Variants in AGTPBP1 observed in about 807,000 individuals in gnomAD.
AGTPBP1 encodes cytosolic carboxypeptidase 1.
AGTPBP1 carries 70 observed loss-of-function variants against 143.9 expected under a neutral mutation model. The ratio of observed to expected loss-of-function variants is 0.49; its 90% CI spans 0.40 to 0.59. AGTPBP1 has a LOEUF of 0.59. Among genes scored for constraint, AGTPBP1 ranks in the 20% least tolerant of loss-of-function variants. AGTPBP1 has a pLI of 0.00. For missense variants in AGTPBP1, 1,229 were observed against 1,464.5 expected (o/e 0.84, Z 2.62); for synonymous variants, 463 against 500.2 (o/e 0.93, Z 0.99).
At chr9:85,678,658 C>A (rs1834983378) in intron 4 of AGTPBP1, among the ~76,000 whole-genome samples, 1 of 152,134 alleles carries the variant, frequency 6.6e-6, no homozygotes, top group Non-Finnish European at 1.5e-5. Flanking sequence ...CATCTTTCTA[C>A]CAAATAGATA....
chr9:85,563,128 G>A (rs1219720057), intron 25 of AGTPBP1, among the ~76,000 whole-genome samples: 1 of 152,202 alleles, frequency 6.6e-6, no homozygotes, highest in African/African-American at 2.4e-5. Context: ...GGTATCCAGT[G>A]TACGGTATTT....
intron 23 of AGTPBP1, among the ~76,000 whole-genome samples, chr9:85,579,842 A>C (rs923914818): frequency 3.3e-5 from 5 of 150,668 alleles, no homozygotes; most frequent in South Asian, 2.1e-4. Context: ...AAACAATCTA[A>C]AGTCACTCTT....
intron 19 of AGTPBP1, among the ~76,000 whole-genome samples, chr9:85,590,882 G>C (rs1337098483): frequency 6.6e-6 from 1 of 152,072 alleles, no homozygotes; most frequent in Non-Finnish European, 1.5e-5. Context: ...CAGAATGAAG[G>C]GCCTGGTAGA....
chr9:85,577,353 G>A lies in AGTPBP1; in HGVS notation c.3342+1567C>T, dbSNP rs144920935. Among the ~76,000 whole-genome samples, 948 of 152,174 alleles carry A rather than the reference G, an allele frequency of 6.2e-3. 8 individuals are homozygous for A. The highest frequency in any genetic ancestry group is 0.021 in the African/African-American group (884 of 41,496). On this transcript the variant is annotated intron_variant, in intron 24 of 25. Transcript: ENST00000357081. ...ATTTCCATAAATCACATAGTCCAAG[G>A]TTTTTTCCTAGAAATCACCTATATT...
chr9:85,617,468 G>C (rs1003454034), intron 17 of AGTPBP1, among the ~76,000 whole-genome samples: 122 of 152,106 alleles, frequency 8.0e-4, no homozygotes, highest in African/African-American at 2.7e-3. Flanking sequence ...TTGATATTAA[G>C]TTCATACAAG....
intron 18 of AGTPBP1, among the ~76,000 whole-genome samples, chr9:85,593,836 C>T (rs896267500): frequency 6.6e-6 from 1 of 152,070 alleles, no homozygotes; most frequent in Non-Finnish European, 1.5e-5. Flanking sequence ...CTTCCAGACT[C>T]GAAATACTGC....
chr9:85,681,355 T>A lies in AGTPBP1; in HGVS notation c.158-20A>T, dbSNP rs778613493. 5.6e-6 allele frequency: 9 copies of A among 1,605,446 alleles called. No homozygotes were observed. Among genetic ancestry groups the A allele is most frequent in the Non-Finnish European group, 4.2e-6 (5 of 1,176,592 alleles). On this transcript the variant is annotated intron_variant, in intron 3 of 25. Coordinates refer to ENST00000357081, the MANE Select transcript of AGTPBP1 (RefSeq NM_001330701.2). ...TTTTTTCTGAAAAGTAGCAAACAAT[T>A]TTTTTCTCAAACATAAATTTTTAAA...
Position 85,586,954 on chromosome 9 carries a change from G to A in AGTPBP1, c.2910C>T (p.Arg970=), listed in dbSNP as rs2133179043. The A allele has an allele frequency of 6.2e-7, 1 of 1,613,698 alleles. No homozygotes were observed. Among genetic ancestry groups the A allele is most frequent in the South Asian group, 1.1e-5 (1 of 91,068 alleles). ...TCAAATCCTCTCCACTTAAAGAACA[G>A]CGATGACTACATGTACATAAACACA... The part of the protein sequence containing the change: ...NPDGVINGNH[R]CSLSGEDLNR... The change falls in exon 22 of 26, where the codon CGC becomes CGT. Residue 970 remains arginine (R), a synonymous_variant. Transcript: ENST00000357081.
intron 2 of AGTPBP1, among the ~76,000 whole-genome samples, chr9:85,700,349 A>C (rs892804848): frequency 1.3e-5 from 2 of 152,174 alleles, no homozygotes; most frequent in African/African-American, 4.8e-5. Flanking sequence ...CTAGGCTGCC[A>C]GAGATATTTT....
chr9:85,708,768 T>C lies in AGTPBP1; in HGVS notation c.32+3734A>G, dbSNP rs188645726. ...CCAGGCTGGTCTTGAACTCCTGACC[T>C]CAGGTGATCTGCCAGCCTCGGCCTC... is the stretch of plus-strand genomic sequence containing the variant. On this transcript the variant is annotated intron_variant, in intron 2 of 25. Transcript: ENST00000357081. 8.1e-4 allele frequency among the ~76,000 whole-genome samples: 123 copies of C among 152,322 alleles called. 2 individuals are homozygous for C. In the East Asian group the frequency reaches 0.016, roughly 20 times the overall value.
intron 2 of AGTPBP1, among the ~76,000 whole-genome samples, chr9:85,703,160 G>A (rs2134387508): frequency 1.3e-5 from 2 of 152,248 alleles, no homozygotes; most frequent in South Asian, 4.1e-4. Context: ...TGCAGCTAAT[G>A]TTTCCTAATC....
Position 85,642,812 on chromosome 9 carries a change from T to C in AGTPBP1, c.1302+15A>G, listed in dbSNP as rs1564096652. The C allele has an allele frequency of 6.4e-7, 1 of 1,571,404 alleles. No homozygotes were observed. Among genetic ancestry groups the C allele is most frequent in the Non-Finnish European group, 8.7e-7 (1 of 1,154,278 alleles). On this transcript the variant is annotated intron_variant, in intron 13 of 25. Transcript: ENST00000357081. ...ATTAAAATCAGTTAAGATGCTGAAT[T>C]TTCTATATTTATACCTGAAAATCAT...
chr9:85,672,346 G>C (rs1480951578), intron 7 of AGTPBP1, among the ~76,000 whole-genome samples: 2 of 151,952 alleles, frequency 1.3e-5, no homozygotes, highest in Non-Finnish European at 2.9e-5. Flanking sequence ...TGGGATTACA[G>C]GCATGAGCCA....
chr9:85,775,990 T>G, the AGTPBP1 span, among the ~76,000 whole-genome samples: 147 of 152,270 alleles, frequency 9.7e-4, no homozygotes, highest in African/African-American at 3.5e-3. Context: ...CCGTCACAAG[T>G]CCATCCCTTG....
the AGTPBP1 span, among the ~76,000 whole-genome samples, chr9:85,769,065 A>AG: frequency 6.6e-6 from 1 of 152,022 alleles, no homozygotes; most frequent in African/African-American, 2.4e-5. Flanking sequence ...AAAAAAAAAA[A>AG]AAAGAAATAT....
At chr9:85,673,034 C>T (rs1233296771) in intron 6 of AGTPBP1, among the ~76,000 whole-genome samples, 2 of 151,846 alleles carry the variant, frequency 1.3e-5, no homozygotes, top group South Asian at 2.1e-4. Flanking sequence ...TGTGCCTGGC[C>T]CACATGTAAG....
intron 11 of AGTPBP1, among the ~76,000 whole-genome samples, chr9:85,648,673 G>A (rs7856214): frequency 1.3e-4 from 20 of 152,202 alleles, no homozygotes; most frequent in Admixed American, 9.8e-4. Flanking sequence ...TTAGCTGGGC[G>A]TGGTGGCGGG....
At chr9:85,779,244 T>TATAGATA in the AGTPBP1 span, among the ~76,000 whole-genome samples, 1 of 147,658 alleles carries the variant, frequency 6.8e-6, no homozygotes, top group South Asian at 2.1e-4. Flanking sequence ...TAGATATAGA[T>TATAGATA]ATCTATATAA....
At chr9:85,779,248 T>TATATAA in the AGTPBP1 span, among the ~76,000 whole-genome samples, 3 of 139,560 alleles carry the variant, frequency 2.1e-5, no homozygotes, top group Admixed American at 2.2e-4. Context: ...TATAGATATC[T>TATATAA]ATATAAATAT....
Sources: allele counts gnomAD v4.1 joint callset (sites outside exome capture counted in the v4.1 genomes callset), GRCh38; gene constraint gnomAD v4.1.1; transcripts MANE v1.5; gene names NCBI Gene and HGNC (gene_info 2026-07-23, HGNC 2026-07-21).